ASB17: variants seen among roughly 807,000 people sequenced by gnomAD.
The protein encoded by ASB17 is ankyrin repeat and SOCS box containing 17.
Under a neutral mutation model 25.7 loss-of-function variants are expected in ASB17, and 26 were observed. The observed-to-expected ratio is 1.01, with a 90% confidence interval of 0.74 to 1.40. The LOEUF (loss-of-function observed/expected upper bound fraction) is 1.40, where lower values mean the gene tolerates loss of function less well. Ranked by LOEUF, ASB17 falls within the 40% of genes most tolerant of loss-of-function variation. ASB17 has a pLI of 0.00. For missense variants in ASB17, 326 were observed against 338.5 expected (o/e 0.96, Z 0.29); for synonymous variants, 128 against 121.4 (o/e 1.05, Z -0.36).
At position 75,919,151 on chromosome 1, in the gene ASB17, A is replaced by G. The variant is rs749271443; in HGVS notation, c.689T>C (p.Leu230Pro). 1.2e-6 allele frequency: 2 copies of G among 1,609,408 alleles called. No individual in the cohort carries two copies. Among genetic ancestry groups the G allele is most frequent in the South Asian group, 2.2e-5 (2 of 90,634 alleles). Residue 230 changes from leucine to proline, a missense_variant, in exon 3 of 3, where the codon CTG becomes CCG. Leu to Pro is a moderately conservative substitution (Grantham distance 98). Transcript: ENST00000284142. ...VISVKEIKTQ[L>P]SLGRHPIISN... ...AATAATTGGATGTCTTCCTAAACTC[A>G]GCTGTGTCTGAAGAAAAGCAAAATA...
rs1441697891 is a variant in ASB17, at chr1:75,922,202, G to T, written c.559C>A (p.Leu187Ile). ...ATTACTCTTACTCTCGAAGGGTAGAGTACTATTGTTAAGACAATGTTGATA... is the reference window on the plus strand; with the variant it reads ...ATTACTCTTACTCTCGAAGGGTAGATTACTATTGTTAAGACAATGTTGATA... ...NPINIVLTIV[L>I]YPSRVRVMVD... Residue 187 changes from leucine (L) to isoleucine (I), a missense_variant, in exon 2 of 3, where the codon CTC becomes ATC. Coordinates refer to ENST00000284142, the MANE Select transcript of ASB17 (RefSeq NM_080868.3). 6.2e-7 allele frequency: 1 copy of T among 1,613,874 alleles called. No individual in the cohort carries two copies. Among genetic ancestry groups the T allele is most frequent in the Non-Finnish European group, 8.5e-7 (1 of 1,179,864 alleles).
At chr1:75,931,722 G>T (rs1333246529) in intron 1 of ASB17, among the ~76,000 whole-genome samples, 169 bp downstream of exon 1, 1 of 152,012 alleles carries the variant, frequency 6.6e-6, no homozygotes, top group Non-Finnish European at 1.5e-5. Context: ...AAATAAAAAT[G>T]GAATACATAA....
rs767443611 is a variant in ASB17, at chr1:75,918,984, G to T, written c.856C>A (p.Arg286Ser). The change falls in exon 3 of 3, where the codon CGT becomes AGT. Residue 286 changes from arginine (R) to serine (S), a missense_variant. Transcript: ENST00000284142. ...TCTAAATTCAGATAGTTTTGTAGAC[G>T]AGCAGGAATTAGAAGTGAAAATATT... ...DGIFSLLIPA[R>S]LQNYLNLEI 37 of 1,612,540 alleles carry T rather than the reference G, an allele frequency of 2.3e-5. No homozygotes were observed. The highest frequency in any genetic ancestry group is 3.1e-5 in the Non-Finnish European group (37 of 1,178,928).
intron 2 of ASB17, among the ~76,000 whole-genome samples, chr1:75,921,727 C>G (rs1031059682): frequency 2.6e-5 from 4 of 151,836 alleles, no homozygotes; most frequent in African/African-American, 9.7e-5. Context: ...GAAATGTAAC[C>G]CTTATTTTGA....
At chr1:75,926,081 C>T (rs936939375) in intron 1 of ASB17, among the ~76,000 whole-genome samples, 1 of 152,140 alleles carries the variant, frequency 6.6e-6, no homozygotes, top group Non-Finnish European at 1.5e-5. Flanking sequence ...ACTTCAATTC[C>T]TGTCCATTTA....
At chr1:75,920,339 T>C (rs1480601336) in intron 2 of ASB17, among the ~76,000 whole-genome samples, 1 of 152,192 alleles carries the variant, frequency 6.6e-6, no homozygotes, top group African/African-American at 2.4e-5. Context: ...CTAGAACATA[T>C]ACTCCACAGG....
At chr1:75,927,870 TCA>T (rs1653213056) in intron 1 of ASB17, among the ~76,000 whole-genome samples, 1 of 152,234 alleles carries the variant, frequency 6.6e-6, no homozygotes, top group South Asian at 2.1e-4. Context: ...TTCATGTTCC[TCA>T]CTCTGGCCTA....
At chr1:75,930,052 A>G (rs1302258269) in intron 1 of ASB17, among the ~76,000 whole-genome samples, 1 of 151,934 alleles carries the variant, frequency 6.6e-6, no homozygotes, top group Non-Finnish European at 1.5e-5. Context: ...TTAACTAAAT[A>G]TAGAAGGGAG....
intron 1 of ASB17, among the ~76,000 whole-genome samples, chr1:75,924,303 C>T (rs571151818): frequency 6.6e-6 from 1 of 152,194 alleles, no homozygotes; most frequent in South Asian, 2.1e-4. Flanking sequence ...TGGTTGATGT[C>T]CTAGAGCCCT....
At chr1:75,921,420 G>C (rs1292505597) in intron 2 of ASB17, among the ~76,000 whole-genome samples, 2 of 152,076 alleles carry the variant, frequency 1.3e-5, no homozygotes, top group Admixed American at 1.3e-4. Context: ...AATTTATAGG[G>C]GTAGCTTTCT....
intron 1 of ASB17, among the ~76,000 whole-genome samples, chr1:75,931,208 C>G (rs1352620445): frequency 6.6e-6 from 1 of 152,036 alleles, no homozygotes; most frequent in Non-Finnish European, 1.5e-5. Context: ...ATGTTTTATT[C>G]AGATGAATAT....
rs755926016 is a variant in ASB17 at position 75,932,001 on chromosome 1, A to G, written c.291T>C (p.Ile97=). 3.7e-6 allele frequency: 6 copies of G among 1,613,998 alleles called. No individual in the cohort carries two copies. In the Admixed American group the frequency reaches 6.7e-5, roughly 18 times the overall value. ...LDFTEICVNT[I]LYWVFARKGN... is the part of the protein sequence containing the mutation. ...CTTTTCTGGCAAAAACCCAGTACAG[A>G]ATTGTATTCACACATATTTCAGTGA... Residue 97 remains isoleucine (I), a synonymous_variant, in exon 1 of 3, where the codon ATT becomes ATC. Coordinates refer to ENST00000284142, the MANE Select transcript of ASB17 (RefSeq NM_080868.3).
At chr1:75,921,676 GA>G (rs1185922181) in intron 2 of ASB17, among the ~76,000 whole-genome samples, 1 of 152,088 alleles carries the variant, frequency 6.6e-6, no homozygotes, top group Non-Finnish European at 1.5e-5. Flanking sequence ...AACTTGAATG[GA>G]AAAAATCTGT....
intron 1 of ASB17, among the ~76,000 whole-genome samples, chr1:75,928,686 A>G (rs1009341120): frequency 1.3e-5 from 2 of 152,232 alleles, no homozygotes; most frequent in African/African-American, 2.4e-5. Context: ...CTTTATAGCT[A>G]CTTGGGCAGG....
intron 1 of ASB17, among the ~76,000 whole-genome samples, chr1:75,930,648 C>A (rs2100616850): frequency 6.6e-6 from 1 of 152,146 alleles, no homozygotes; most frequent in South Asian, 2.1e-4. Flanking sequence ...TAATTTTAAA[C>A]CTGTCTTAAG....
At chr1:75,922,480 A>ATTTT in intron 1 of ASB17, 121 bp from the exon 2 acceptor site, 2 of 305,628 alleles carry the variant, frequency 6.5e-6, no homozygotes, top group South Asian at 7.9e-5. Flanking sequence ...ATGTAACTTT[A>ATTTT]TATGTTTCTT....
rs1324522815 is a variant in ASB17, at chr1:75,919,095, T to A, written c.745A>T (p.Arg249Ter). 6.2e-7 allele frequency: 1 copy of A among 1,613,360 alleles called. No individual in the cohort carries two copies. The highest frequency in any genetic ancestry group is 8.5e-7 in the Non-Finnish European group (1 of 1,179,550). ...AATAGTTCACATGGATCTTTGTATC[T>A]TGTTGAAGGAATGTAATCAAACCAA... is the stretch of plus-strand genomic sequence containing the variant. ...SNWFDYIPST[R>*]YKDPCELLHL... The change falls in exon 3 of 3, where the codon AGA (arginine) becomes TGA (stop). Residue 249 changes from arginine to a stop codon, truncating the protein, a stop_gained. Coordinates refer to ENST00000284142, the MANE Select transcript of ASB17 (RefSeq NM_080868.3). LOFTEE classifies it high-confidence loss of function.
chr1:75,929,229 T>A (rs11161906), intron 1 of ASB17, among the ~76,000 whole-genome samples: 98,279 of 151,128 alleles, frequency 0.65, 33,149 homozygotes, highest in East Asian at 0.97. Flanking sequence ...TTATTTATTT[T>A]TTTTTATTTT....
chr1:75,930,499 G>A (rs534389634), intron 1 of ASB17, among the ~76,000 whole-genome samples: 1 of 151,940 alleles, frequency 6.6e-6, no homozygotes, highest in Admixed American at 6.6e-5. Flanking sequence ...GCTGTCCAGG[G>A]TAAAGGTCTG....
Sources: allele counts gnomAD v4.1 joint callset (sites outside exome capture counted in the v4.1 genomes callset), GRCh38; gene constraint gnomAD v4.1.1; transcripts MANE v1.5; gene names NCBI Gene and HGNC (gene_info 2026-07-23, HGNC 2026-07-21).